Variants in SMAD3 observed in about 807,000 individuals in gnomAD.
The protein encoded by SMAD3 is MAD homolog 3.
In SMAD3, 12 loss-of-function variants were observed where a neutral mutation model predicts 51.8. The ratio of observed to expected loss-of-function variants is 0.23; its 90% CI spans 0.15 to 0.38. SMAD3 has a LOEUF of 0.38. Among genes scored for constraint, SMAD3 ranks in the 10% least tolerant of loss-of-function variants. SMAD3 has a pLI of 1.00. For missense variants in SMAD3, 294 were observed against 565.6 expected (o/e 0.52, Z 4.87); for synonymous variants, 238 against 227.7 (o/e 1.05, Z -0.41).
At chr15:67,089,260 T>G (rs1960461000) in intron 1 of SMAD3, among the ~76,000 whole-genome samples, 1 of 152,228 alleles carries the variant, frequency 6.6e-6, no homozygotes, top group Admixed American at 6.5e-5. Context: ...TGACCCTTGC[T>G]ACTTTACTGT....
At chr15:67,159,499 G>A (rs1024099276) in intron 1 of SMAD3, among the ~76,000 whole-genome samples, 2 of 151,944 alleles carry the variant, frequency 1.3e-5, no homozygotes, top group African/African-American at 4.8e-5. Context: ...TTGGAATGGT[G>A]GTATAATTTA....
intron 1 of SMAD3, among the ~76,000 whole-genome samples, chr15:67,115,750 G>A (rs1163865709): frequency 2.0e-5 from 3 of 152,230 alleles, no homozygotes; most frequent in African/African-American, 7.2e-5. Flanking sequence ...AACTTATGCT[G>A]TGCTGGGCTC....
chr15:67,088,704 G>A (rs1486024841), intron 1 of SMAD3, among the ~76,000 whole-genome samples: 1 of 152,136 alleles, frequency 6.6e-6, no homozygotes, highest in Non-Finnish European at 1.5e-5. Flanking sequence ...CGAGGTGGGC[G>A]AATCACGAGG....
At chr15:67,184,931 G>C in intron 7 of SMAD3, 67 bp downstream of exon 7, 1 of 1,593,198 alleles carries the variant, frequency 6.3e-7, no homozygotes, top group Non-Finnish European at 8.6e-7. Context: ...GGATGCTGGA[G>C]AGAGTCCACC....
Position 67,104,013 on chromosome 15 carries a change from G to T in SMAD3, c.206+37653G>T, listed in dbSNP as rs550338636. 8.3e-4 allele frequency among the ~76,000 whole-genome samples: 127 copies of T among 152,260 alleles called. 1 individual carries two copies. Among genetic ancestry groups the T allele is most frequent in the South Asian group, 1.5e-3 (7 of 4,820 alleles). ...GACAGGAAGCCTGGAGGAAGGAAAG[G>T]GGTGCGTAGCCGAGAAAGTGCACAA... On this transcript the variant is annotated intron_variant, in intron 1 of 8. Transcript: ENST00000327367.
chr15:67,133,500 G>T (rs138784248), intron 1 of SMAD3, among the ~76,000 whole-genome samples: 5 of 151,954 alleles, frequency 3.3e-5, no homozygotes, highest in African/African-American at 1.2e-4. Flanking sequence ...TGATCCTATC[G>T]CCAGAAAAAT....
intron 1 of SMAD3, among the ~76,000 whole-genome samples, chr15:67,134,928 C>G (rs1049943620): frequency 1.3e-5 from 2 of 152,160 alleles, no homozygotes; most frequent in African/African-American, 4.8e-5. Flanking sequence ...GTTTGATGAG[C>G]CACTGAGGGG....
chr15:67,181,013 G>T (rs918049047), intron 5 of SMAD3, among the ~76,000 whole-genome samples: 3 of 129,174 alleles, frequency 2.3e-5, no homozygotes, highest in Non-Finnish European at 5.2e-5. Context: ...AATAAAAAGA[G>T]AAATCAATGG....
intron 1 of SMAD3, among the ~76,000 whole-genome samples, chr15:67,075,821 A>G (rs1420475958): frequency 6.6e-6 from 1 of 151,870 alleles, no homozygotes; most frequent in Non-Finnish European, 1.5e-5. Flanking sequence ...AGGCTGAGAC[A>G]GGAGAATTGC....
intron 1 of SMAD3, among the ~76,000 whole-genome samples, chr15:67,113,061 A>AAT (rs1409580441): frequency 9.0e-5 from 4 of 44,366 alleles, no homozygotes; most frequent in Admixed American, 4.3e-4. Context: ...CAACTTTTAA[A>AAT]ATATATATAT....
At position 67,184,708 on chromosome 15, in the gene SMAD3, C is replaced by G. The variant is rs74421858; in HGVS notation, c.872-19C>G. On this transcript the variant is annotated intron_variant, in intron 6 of 8. Coordinates refer to ENST00000327367, the MANE Select transcript of SMAD3 (RefSeq NM_005902.4). The stretch of plus-strand genomic sequence containing the variant: ...TGTGAGCAAAGGCACCCTGTCCAGT[C>G]TAACCTGAATCTCTGTAGGAAGAGG... 58 of 1,613,866 alleles carry G rather than the reference C, an allele frequency of 3.6e-5. No homozygotes were observed. The African/African-American group carries it at 7.1e-4, about 20-fold the overall frequency.
chr15:67,086,512 G>A (rs1303136085), intron 1 of SMAD3, among the ~76,000 whole-genome samples: 1 of 152,188 alleles, frequency 6.6e-6, no homozygotes, highest in East Asian at 1.9e-4. Flanking sequence ...CTTAATTGGT[G>A]TGAAATGCGC....
intron 1 of SMAD3, among the ~76,000 whole-genome samples, chr15:67,071,912 A>C (rs899814382): frequency 6.6e-6 from 1 of 152,198 alleles, no homozygotes; most frequent in African/African-American, 2.4e-5. Flanking sequence ...TCTAGTTAAC[A>C]CTTGCTGAGA....
chr15:67,102,354 A>G (rs998475598), intron 1 of SMAD3, among the ~76,000 whole-genome samples: 1 of 151,952 alleles, frequency 6.6e-6, no homozygotes. Flanking sequence ...AGATTTAACC[A>G]CTGTTTTTTC....
intron 1 of SMAD3, among the ~76,000 whole-genome samples, chr15:67,102,200 G>A (rs539602884): frequency 3.2e-4 from 49 of 151,276 alleles, no homozygotes; most frequent in Admixed American, 8.6e-4. Context: ...TTCCTGCCTC[G>A]AGGCCCACCA....
At chr15:67,123,710 A>G (rs184842028) in intron 1 of SMAD3, among the ~76,000 whole-genome samples, 1 of 152,316 alleles carries the variant, frequency 6.6e-6, no homozygotes, top group Admixed American at 6.5e-5. Flanking sequence ...TTATTTTGAA[A>G]TAGTCTTTTT....
At chr15:67,080,801 C>T (rs117167636) in intron 1 of SMAD3, among the ~76,000 whole-genome samples, 124 of 152,348 alleles carry the variant, frequency 8.1e-4, no homozygotes, top group Non-Finnish European at 1.7e-3. Flanking sequence ...TCCCTGCCAA[C>T]GGAATTCTGC....
At chr15:67,159,148 G>A (rs1423825675) in intron 1 of SMAD3, among the ~76,000 whole-genome samples, 2 of 151,680 alleles carry the variant, frequency 1.3e-5, no homozygotes, top group Non-Finnish European at 2.9e-5. Flanking sequence ...ACAGCTCACT[G>A]CAGCCTCAAC....
At chr15:67,124,053 T>G (rs1019338708) in intron 1 of SMAD3, among the ~76,000 whole-genome samples, 4 of 152,222 alleles carry the variant, frequency 2.6e-5, no homozygotes, top group Non-Finnish European at 4.4e-5. Flanking sequence ...CGTGGTGCAA[T>G]GATAGCTTAC....
Sources: allele counts gnomAD v4.1 joint callset (sites outside exome capture counted in the v4.1 genomes callset), GRCh38; gene constraint gnomAD v4.1.1; transcripts MANE v1.5; gene names NCBI Gene and HGNC (gene_info 2026-07-23, HGNC 2026-07-21).